Variants in HDAC9 observed in about 807,000 individuals in gnomAD.
The protein encoded by HDAC9 is histone deacetylase 9.
A neutral mutation model predicts 139.4 loss-of-function variants in HDAC9; 41 were observed. That is an observed-to-expected ratio of 0.29 (90% CI 0.23 to 0.38). The LOEUF (loss-of-function observed/expected upper bound fraction) is 0.38. Ranked by LOEUF, HDAC9 falls within the 10% of genes least tolerant of loss-of-function variation. The pLI is 1.00. For missense variants in HDAC9, 1,147 were observed against 1,297.0 expected (o/e 0.88, Z 1.78); for synonymous variants, 517 against 476.2 (o/e 1.09, Z -1.12).
At chr7:18,737,170 C>CT (rs953162810) in intron 13 of HDAC9, among the ~76,000 whole-genome samples, 1 of 152,096 alleles carries the variant, frequency 6.6e-6, no homozygotes, top group Non-Finnish European at 1.5e-5. Context: ...TTTTGTTGAT[C>CT]TTTTCAAAAA....
At chr7:18,180,465 A>G (rs1789333339) in intron 2 of HDAC9, among the ~76,000 whole-genome samples, 1 of 151,622 alleles carries the variant, frequency 6.6e-6, no homozygotes, top group South Asian at 2.1e-4. Context: ...AGTATGAGAG[A>G]TTGATCATTT....
intron 1 of HDAC9, among the ~76,000 whole-genome samples, chr7:18,150,343 T>C (rs1786681218): frequency 6.6e-6 from 1 of 152,158 alleles, no homozygotes; most frequent in Non-Finnish European, 1.5e-5. Context: ...GTTTATAAAA[T>C]GTTATTGCTA....
chr7:18,448,282 G>A, intron 1 of HDAC9, among the ~76,000 whole-genome samples: 1 of 152,142 alleles, frequency 6.6e-6, no homozygotes, highest in East Asian at 1.9e-4. Flanking sequence ...AGCCAACTAA[G>A]ACCAAAGAGT....
chr7:18,952,895 A>G (rs1782899802), intron 23 of HDAC9, among the ~76,000 whole-genome samples: 2 of 151,144 alleles, frequency 1.3e-5, no homozygotes, highest in African/African-American at 4.9e-5. Context: ...TTTGGCAGCT[A>G]AGAAAAACAC....
At chr7:18,786,735 G>A (rs1305153833) in intron 16 of HDAC9, among the ~76,000 whole-genome samples, 2 of 128,994 alleles carry the variant, frequency 1.6e-5, no homozygotes, top group African/African-American at 3.4e-5. Context: ...CGCCTCTTGA[G>A]TCTAGCTTTC....
At chr7:18,094,102 T>G (rs1782342845) in intron 1 of HDAC9, among the ~76,000 whole-genome samples, 1 of 152,220 alleles carries the variant, frequency 6.6e-6, no homozygotes, top group African/African-American at 2.4e-5. Flanking sequence ...GATTGGATTG[T>G]GTTAGATCAG....
chr7:18,178,286 T>C (rs1562713122), intron 2 of HDAC9, among the ~76,000 whole-genome samples: 1 of 152,224 alleles, frequency 6.6e-6, no homozygotes, highest in Non-Finnish European at 1.5e-5. Context: ...GGTTTCACTA[T>C]GTTGGCCAGA....
intron 21 of HDAC9, among the ~76,000 whole-genome samples, chr7:18,856,843 C>T (rs1437139017): frequency 6.6e-6 from 1 of 152,082 alleles, no homozygotes; most frequent in Non-Finnish European, 1.5e-5. Flanking sequence ...AATTCATTCC[C>T]GCCTTTTCTC....
intron 25 of HDAC9, among the ~76,000 whole-genome samples, chr7:18,995,652 C>G (rs1786405439): frequency 6.6e-6 from 1 of 152,204 alleles, no homozygotes; most frequent in Non-Finnish European, 1.5e-5. Context: ...GTCCTTTGCT[C>G]TCATTAGCAA....
chr7:18,128,157 C>T (rs1384972208), intron 1 of HDAC9, among the ~76,000 whole-genome samples: 1 of 151,972 alleles, frequency 6.6e-6, no homozygotes, highest in East Asian at 1.9e-4. Flanking sequence ...TGTTCTCTGC[C>T]CAAACTCTAG....
rs568955500 is a variant in HDAC9, at chr7:18,860,360, G to C, written c.2685-14118G>C. Reference sequence around the variant, plus strand: ...TTAAGAACATTTTACTGTCATTTGTGTTCTATTTTCTATTCATTATGGCAA... The same window carrying C: ...TTAAGAACATTTTACTGTCATTTGTCTTCTATTTTCTATTCATTATGGCAA... On this transcript the variant is annotated intron_variant, in intron 21 of 25. Transcript: ENST00000686413. 4.6e-5 allele frequency among the ~76,000 whole-genome samples: 7 copies of C among 152,080 alleles called. No homozygotes were observed. The South Asian group carries it at 1.5e-3, about 32-fold the overall frequency.
intron 17 of HDAC9, among the ~76,000 whole-genome samples, chr7:18,793,779 C>T (rs1792541234): frequency 6.6e-6 from 1 of 152,076 alleles, no homozygotes; most frequent in African/African-American, 2.4e-5. Context: ...TCCTGAGATT[C>T]TCTTTTGAGG....
At chr7:18,255,787 C>T (rs1338900670) in intron 2 of HDAC9, among the ~76,000 whole-genome samples, 3 of 151,906 alleles carry the variant, frequency 2.0e-5, no homozygotes, top group Non-Finnish European at 4.4e-5. Flanking sequence ...CACCATCACG[C>T]CCAGCTAATT....
intron 1 of HDAC9, among the ~76,000 whole-genome samples, chr7:18,130,670 G>T (rs188863857): frequency 9.9e-5 from 15 of 152,050 alleles, no homozygotes; most frequent in African/African-American, 3.4e-4. Context: ...CTCCATTCCC[G>T]ATGCCCTAGG....
chr7:18,874,390 C>G, intron 21 of HDAC9, 88 bp from the exon 22 acceptor site: 3 of 683,568 alleles, frequency 4.4e-6, no homozygotes, highest in Non-Finnish European at 7.9e-6. Context: ...TGGGAGGTTC[C>G]TATTGTTGTG....
intron 1 of HDAC9, among the ~76,000 whole-genome samples, chr7:18,445,272 G>A (rs1379251596): frequency 6.6e-6 from 1 of 152,146 alleles, no homozygotes; most frequent in Non-Finnish European, 1.5e-5. Context: ...CTTCCTTTAA[G>A]TAGTAAAATA....
rs186836838 is a variant in HDAC9 at position 18,342,342 on chromosome 7, T to G, written c.-42+51827T>G. Among the ~76,000 whole-genome samples the G allele has an allele frequency of 3.8e-3, 584 of 151,952 alleles. 4 individuals are homozygous for G. The highest frequency in any genetic ancestry group is 0.013 in the African/African-American group (556 of 41,534). On this transcript the variant is annotated intron_variant, in intron 1 of 3. Transcript: ENST00000413509. ...TGGAAAATCTTTCAAGGCATTAAAC[T>G]GGAACAATATTTGGTCTCACCTTGA...
chr7:18,872,134 C>G (rs779337174), intron 21 of HDAC9, among the ~76,000 whole-genome samples: 2 of 152,008 alleles, frequency 1.3e-5, no homozygotes, highest in South Asian at 4.1e-4. Context: ...CAGCTTCCAC[C>G]CAGACATAAT....
intron 2 of HDAC9, among the ~76,000 whole-genome samples, chr7:18,229,187 C>T (rs1216380975): frequency 6.6e-6 from 1 of 152,142 alleles, no homozygotes; most frequent in Non-Finnish European, 1.5e-5. Flanking sequence ...GATAATACAG[C>T]TAAATATTTT....
Sources: gnomAD v4.1 joint callset for allele counts (sites outside exome capture counted in the v4.1 genomes callset) on GRCh38, gnomAD v4.1.1 for gene constraint, MANE v1.5 for transcripts, NCBI Gene and HGNC (gene_info 2026-07-23, HGNC 2026-07-21) for gene names.